Variants in OCA2 observed in about 807,000 individuals in gnomAD.
OCA2 encodes OCA2 melanosomal transmembrane protein.
A neutral mutation model predicts 100.2 loss-of-function variants in OCA2; 77 were observed. That is an observed-to-expected ratio of 0.77 (90% CI 0.64 to 0.93). OCA2 has a LOEUF of 0.93. Ranked by LOEUF, OCA2 falls within the 40% of genes least tolerant of loss-of-function variation. OCA2 has a pLI of 0.00. For missense variants in OCA2, 1,062 were observed against 1,089.1 expected (o/e 0.98, Z 0.35); for synonymous variants, 432 against 439.2 (o/e 0.98, Z 0.21).
intron 12 of OCA2, among the ~76,000 whole-genome samples, chr15:27,986,356 C>T (rs1002105624): frequency 1.3e-5 from 2 of 152,268 alleles, no homozygotes; most frequent in Admixed American, 6.5e-5. Flanking sequence ...AACCTGAGTA[C>T]CCTTTTCCTT....
At chr15:27,906,113 C>T (rs1459559556) in intron 19 of OCA2, among the ~76,000 whole-genome samples, 1 of 152,138 alleles carries the variant, frequency 6.6e-6, no homozygotes, top group Non-Finnish European at 1.5e-5. Context: ...TGTTTGATAG[C>T]ATGATAGGGC....
intron 18 of OCA2, among the ~76,000 whole-genome samples, chr15:27,950,106 CT>C (rs1264282342): frequency 6.6e-6 from 1 of 152,184 alleles, no homozygotes; most frequent in Non-Finnish European, 1.5e-5. Context: ...AAAGATGTGA[CT>C]TTAAGTATTA....
In OCA2 at chr15:27,968,801, G is replaced by A. The variant is rs141933798; in HGVS notation, c.1504-1979C>T. On this transcript the variant is annotated intron_variant, in intron 14 of 23. Coordinates refer to ENST00000354638, the MANE Select transcript of OCA2 (RefSeq NM_000275.3). The stretch of plus-strand genomic sequence containing the variant: ...GATGGCAGGGAAACCACACAGAGGC[G>A]GGACTCATGGAATGCTTTGGGTGAT... Among the ~76,000 whole-genome samples, 249 of 152,146 alleles carry A rather than the reference G, an allele frequency of 1.6e-3. 2 individuals are homozygous for A. Among genetic ancestry groups the A allele is most frequent in the African/African-American group, 4.8e-3 (201 of 41,474 alleles).
chr15:28,081,566 A>C (rs1486236233), intron 2 of OCA2, 82 bp downstream of exon 2: 1 of 1,402,834 alleles, frequency 7.1e-7, no homozygotes, highest in South Asian at 1.2e-5. Context: ...TTTTTCCCAC[A>C]ACAAACGTGG....
chr15:27,937,735 C>T (rs2039507417), intron 18 of OCA2, among the ~76,000 whole-genome samples: 1 of 152,130 alleles, frequency 6.6e-6, no homozygotes, highest in African/African-American at 2.4e-5. Flanking sequence ...ACTTAAGATT[C>T]CGTCCATTTT....
At position 27,987,341 on chromosome 15, in the gene OCA2, T is replaced by G. The variant is rs1484737852; in HGVS notation, c.1183-698A>C. On this transcript the variant is annotated intron_variant, in intron 11 of 23. Transcript: ENST00000354638. ...GTGAATGTTCTGGAAGTTCCTCTGC[T>G]TCACCTCTTTGATGGCAGTCACCAT... Among the ~76,000 whole-genome samples, 9 of 152,314 alleles carry G rather than the reference T, an allele frequency of 5.9e-5. No homozygotes were observed. In the South Asian group the frequency reaches 8.3e-4, roughly 14 times the overall value.
intron 18 of OCA2, among the ~76,000 whole-genome samples, chr15:27,942,265 A>G (rs1022884854): frequency 6.7e-6 from 1 of 149,118 alleles, no homozygotes; most frequent in Non-Finnish European, 1.5e-5. Flanking sequence ...TATATATGAT[A>G]TACATATATA....
At chr15:27,935,380 CAG>C (rs1321846656) in intron 18 of OCA2, among the ~76,000 whole-genome samples, 1 of 152,136 alleles carries the variant, frequency 6.6e-6, no homozygotes, top group Non-Finnish European at 1.5e-5. Context: ...GTGTCTCCAA[CAG>C]AGTCAAGTTT....
At chr15:27,725,629 A>G in the OCA2 span, among the ~76,000 whole-genome samples, 93 of 152,290 alleles carry the variant, frequency 6.1e-4, 1 homozygote, top group African/African-American at 2.1e-3. Context: ...AGCAAAGTAC[A>G]AATAGGACAG....
chr15:27,939,907 C>T (rs2039586435), intron 18 of OCA2, among the ~76,000 whole-genome samples: 1 of 152,226 alleles, frequency 6.6e-6, no homozygotes, highest in African/African-American at 2.4e-5. Context: ...CTCCTCATTG[C>T]AGGTTTTCCT....
intron 17 of OCA2, among the ~76,000 whole-genome samples, chr15:27,953,721 C>T (rs2040115637): frequency 6.6e-6 from 1 of 151,946 alleles, no homozygotes; most frequent in Non-Finnish European, 1.5e-5. Flanking sequence ...CTTCTGGATA[C>T]CTGAGGTCAT....
chr15:27,931,237 C>G (rs968014081), intron 18 of OCA2, among the ~76,000 whole-genome samples: 36 of 152,250 alleles, frequency 2.4e-4, no homozygotes, highest in Middle Eastern at 3.4e-3. Flanking sequence ...AAAAAAATCT[C>G]TTAAATAAGA....
intron 7 of OCA2, 105 bp from the exon 8 acceptor site, chr15:28,016,291 A>G: frequency 1.1e-6 from 1 of 892,106 alleles, no homozygotes; most frequent in Non-Finnish European, 1.9e-6. Flanking sequence ...AGAAAAGGAG[A>G]AAGAAAGAAA....
At chr15:27,845,265 A>AT (rs1236708899) in intron 22 of OCA2, among the ~76,000 whole-genome samples, 1 of 152,212 alleles carries the variant, frequency 6.6e-6, no homozygotes, top group Non-Finnish European at 1.5e-5. Flanking sequence ...TCATTTATGG[A>AT]TAAGACCATG....
chr15:27,904,183 C>T (rs28708954), intron 19 of OCA2, among the ~76,000 whole-genome samples: 89,887 of 151,950 alleles, frequency 0.59, 27,622 homozygotes, highest in East Asian at 0.96. Context: ...GGGAAGCCAG[C>T]CCACAGTGCA....
the OCA2 span, among the ~76,000 whole-genome samples, chr15:27,723,150 T>C: frequency 1.3e-5 from 2 of 152,134 alleles, no homozygotes; most frequent in African/African-American, 4.8e-5. Flanking sequence ...GCCCCTGTTT[T>C]ATATTTCACA....
intron 23 of OCA2, among the ~76,000 whole-genome samples, chr15:27,762,330 A>G (rs11633701): frequency 0.28 from 42,887 of 152,014 alleles, 7,451 homozygotes; most frequent in Non-Finnish European, 0.39. Context: ...AAGCTCTCTG[A>G]AGAAACTGAG....
At chr15:27,892,963 G>C (rs1324932205) in intron 19 of OCA2, among the ~76,000 whole-genome samples, 1 of 152,062 alleles carries the variant, frequency 6.6e-6, no homozygotes, top group East Asian at 1.9e-4. Context: ...CAACTAAAAA[G>C]AAACAAACCA....
In OCA2 at chr15:27,913,899, G is replaced by GAAAGAAAGAA. The variant is rs1567098702; in HGVS notation, c.2079+12227_2079+12228insTTCTTTCTTT. Among the ~76,000 whole-genome samples, 62 of 32,822 alleles carry GAAAGAAAGAA rather than the reference G, an allele frequency of 1.9e-3. 5 individuals carry two copies. Among genetic ancestry groups the GAAAGAAAGAA allele is most frequent in the East Asian group, 0.015 (5 of 342 alleles). The allele number at this position is 32,822 out of a possible 152,430, so 21.5% of individuals were successfully genotyped here. ...AGAAAGAAAGAAAGAAAGAAAGCAAGCAAGCAAGCAAGCAAGCAAGCAAGC... is the reference window on the plus strand; with the variant it reads ...AGAAAGAAAGAAAGAAAGAAAGCAAGAAAGAAAGAACAAGCAAGCAAGCAAGCAAGCAAGC... On this transcript the variant is annotated intron_variant, in intron 19 of 23. Coordinates refer to ENST00000354638, the MANE Select transcript of OCA2 (RefSeq NM_000275.3).
Sources: gnomAD v4.1 joint callset for allele counts (sites outside exome capture counted in the v4.1 genomes callset) on GRCh38, gnomAD v4.1.1 for gene constraint, MANE v1.5 for transcripts, NCBI Gene and HGNC (gene_info 2026-07-23, HGNC 2026-07-21) for gene names.